AFF3: variants seen among roughly 807,000 people sequenced by gnomAD.
The protein encoded by AFF3 is ALF transcription elongation factor 3.
AFF3 carries 32 observed loss-of-function variants against 129.7 expected under a neutral mutation model. The ratio of observed to expected loss-of-function variants is 0.25; its 90% CI spans 0.19 to 0.33. The LOEUF (loss-of-function observed/expected upper bound fraction) is 0.33. AFF3 is among the 10% of genes least tolerant of loss of function. The probability of loss-of-function intolerance (pLI) is 1.00; values close to 1 mark genes in which losing one functional copy is unlikely to be tolerated. For synonymous variants in AFF3, 644 were observed against 635.4 expected, an observed-to-expected ratio of 1.01 and a Z score of -0.20; for missense variants, 1,373 against 1,592.0, an observed-to-expected ratio of 0.86 and a Z score of 2.34.
chr2:99,956,193 C>T (rs942996387), intron 7 of AFF3, among the ~76,000 whole-genome samples: 5 of 150,800 alleles, frequency 3.3e-5, no homozygotes, highest in South Asian at 2.1e-4. Context: ...CTGGCACAAG[C>T]GACAATAATA....
chr2:100,023,829 A>C (rs1172226085), intron 4 of AFF3, among the ~76,000 whole-genome samples: 1 of 152,234 alleles, frequency 6.6e-6, no homozygotes, highest in Non-Finnish European at 1.5e-5. Flanking sequence ...CACCATTCAG[A>C]AAGAAACACT....
chr2:100,088,876 A>G (rs1043909991), intron 4 of AFF3, among the ~76,000 whole-genome samples: 2 of 152,256 alleles, frequency 1.3e-5, no homozygotes, highest in African/African-American at 4.8e-5. Context: ...GTACTTCACA[A>G]TATTGGTGGG....
intron 14 of AFF3, among the ~76,000 whole-genome samples, chr2:99,600,718 TCTCTCAGCC>T (rs1679748938): frequency 6.6e-6 from 1 of 152,202 alleles, no homozygotes; most frequent in Non-Finnish European, 1.5e-5. Flanking sequence ...TGGGGAAGTT[TCTCTCAGCC>T]CTCTCCCAAG....
chr2:99,811,614 A>G (rs1262550100), intron 8 of AFF3, among the ~76,000 whole-genome samples: 1 of 152,242 alleles, frequency 6.6e-6, no homozygotes, highest in African/African-American at 2.4e-5. Context: ...CAGAAACTCA[A>G]TAAAGTGCAT....
chr2:100,022,122 C>T (rs922145393), intron 4 of AFF3, among the ~76,000 whole-genome samples: 4 of 152,130 alleles, frequency 2.6e-5, no homozygotes, highest in Admixed American at 1.3e-4. Flanking sequence ...ACACTAAAGA[C>T]GATTAATTCT....
intron 22 of AFF3, among the ~76,000 whole-genome samples, chr2:99,557,050 G>C (rs958969741): frequency 2.6e-5 from 4 of 152,054 alleles, no homozygotes; most frequent in African/African-American, 9.7e-5. Flanking sequence ...TAAAAGAATC[G>C]ATTTTAAATG....
intron 7 of AFF3, among the ~76,000 whole-genome samples, chr2:99,916,374 AT>A (rs1558972779): frequency 1.3e-5 from 2 of 152,096 alleles, no homozygotes; most frequent in Admixed American, 6.5e-5. Flanking sequence ...AAAGTTACGC[AT>A]TTTTTATTCT....
intron 4 of AFF3, among the ~76,000 whole-genome samples, chr2:100,068,576 T>A (rs557068508): frequency 6.6e-6 from 1 of 152,196 alleles, no homozygotes. Flanking sequence ...TGACTTATTC[T>A]GGATAGCTCC....
intron 8 of AFF3, among the ~76,000 whole-genome samples, chr2:99,807,694 C>T (rs1174105709): frequency 6.6e-6 from 1 of 152,200 alleles, no homozygotes; most frequent in African/African-American, 2.4e-5. Context: ...TGGATAAAGT[C>T]TTGTAGCAAA....
At chr2:99,710,316 C>T (rs1412422315) in intron 11 of AFF3, among the ~76,000 whole-genome samples, 4 of 152,038 alleles carry the variant, frequency 2.6e-5, no homozygotes, top group Admixed American at 6.6e-5. Context: ...TGCAGTGTTG[C>T]GATCTTGGGT....
At chr2:99,879,786 C>T (rs1234410874) in intron 7 of AFF3, among the ~76,000 whole-genome samples, 1 of 152,194 alleles carries the variant, frequency 6.6e-6, no homozygotes, top group East Asian at 1.9e-4. Flanking sequence ...ATGTCCACCA[C>T]TTTCTTGAGT....
chr2:99,750,989 T>C (rs181883749), intron 9 of AFF3, among the ~76,000 whole-genome samples: 2 of 152,378 alleles, frequency 1.3e-5, no homozygotes, highest in East Asian at 3.9e-4. Flanking sequence ...CGTTTTATTG[T>C]AAGAAAAATC....
chr2:99,965,665 T>C, intron 7 of AFF3, among the ~76,000 whole-genome samples: 1 of 152,264 alleles, frequency 6.6e-6, no homozygotes, highest in South Asian at 2.1e-4. Flanking sequence ...GTTTGTCGTA[T>C]TAGTTTAGTT....
At position 99,997,485 on chromosome 2, in the gene AFF3, C is replaced by A. The variant is rs75514850; in HGVS notation, c.873+9147G>T. Among the ~76,000 whole-genome samples, 585 of 148,210 alleles carry A rather than the reference C, an allele frequency of 3.9e-3. 3 individuals carry two copies. Among genetic ancestry groups the A allele is most frequent in the Non-Finnish European group, 6.7e-3 (450 of 67,086 alleles). On this transcript the variant is annotated intron_variant, in intron 7 of 24. Coordinates refer to ENST00000672756, the MANE Select transcript of AFF3 (RefSeq NM_001386135.1). ...GTCCCAGCAACTATCACCCCCCCCC[C>A]AGATTAGCACAATAACCTGCCAAGC... is the stretch of plus-strand genomic sequence containing the variant.
At chr2:99,772,623 A>C (rs550741172) in intron 8 of AFF3, among the ~76,000 whole-genome samples, 7 of 152,334 alleles carry the variant, frequency 4.6e-5, no homozygotes, top group African/African-American at 1.4e-4. Context: ...CAATTAAAAG[A>C]AAAATTATTC....
intron 13 of AFF3, among the ~76,000 whole-genome samples, chr2:99,627,787 T>C (rs62154521): frequency 0.035 from 5,394 of 152,320 alleles, 116 homozygotes; most frequent in Non-Finnish European, 0.044. Context: ...ATCTTCTGCA[T>C]ATGGCTACCC....
chr2:99,999,700 GCA>G (rs774528796), intron 7 of AFF3, among the ~76,000 whole-genome samples: 53 of 152,214 alleles, frequency 3.5e-4, no homozygotes, highest in Non-Finnish European at 7.3e-4. Context: ...ACCGTGCTAA[GCA>G]CTGTAAGTAC....
At chr2:99,566,096 C>G (rs1675934901) in intron 19 of AFF3, among the ~76,000 whole-genome samples, 4 of 151,346 alleles carry the variant, frequency 2.6e-5, no homozygotes, top group African/African-American at 7.4e-5. Flanking sequence ...CTTATATCTC[C>G]ATGCCTTCCT....
At chr2:99,832,024 C>T (rs557540021) in intron 8 of AFF3, among the ~76,000 whole-genome samples, 5 of 152,328 alleles carry the variant, frequency 3.3e-5, no homozygotes, top group African/African-American at 9.6e-5. Context: ...CTACATTTGA[C>T]GTACTTGCGT....
Sources: allele counts gnomAD v4.1 joint callset (sites outside exome capture counted in the v4.1 genomes callset), GRCh38; gene constraint gnomAD v4.1.1; transcripts MANE v1.5; gene names NCBI Gene and HGNC (gene_info 2026-07-23, HGNC 2026-07-21).